The following GLYAT variants were observed in gnomAD, a reference collection of about 807,000 sequenced individuals.
The protein encoded by GLYAT is glycine-N-acyltransferase, also known as glycine N-acyltransferase.
Under a neutral mutation model 22.8 loss-of-function variants are expected in GLYAT, and 25 were observed. That is an observed-to-expected ratio of 1.09 (90% CI 0.80 to 1.53). The LOEUF is 1.53. Ranked by LOEUF, GLYAT falls within the 40% of genes most tolerant of loss-of-function variation. The pLI is 0.00. For synonymous variants in GLYAT, 140 were observed against 122.7 expected (o/e 1.14, Z -0.93); for missense variants, 411 against 353.9 (o/e 1.16, Z -1.29).
chr11:58,710,313 G>A, intron 5 of GLYAT, 145 bp from the exon 6 acceptor site: 3 of 1,332,642 alleles, frequency 2.3e-6, no homozygotes, highest in Non-Finnish European at 3.0e-6. Context: ...GATGAAAGAG[G>A]AACAGAGTGA....
At position 58,721,114 on chromosome 11, in the gene GLYAT, C is replaced by T. The variant is rs575476652; in HGVS notation, c.81+3302G>A. Among the ~76,000 whole-genome samples the T allele has an allele frequency of 3.7e-4, 56 of 151,786 alleles. 2 individuals are homozygous for T. The highest frequency in any genetic ancestry group is 2.3e-3 in the South Asian group (11 of 4,824). ...TATAAAGATGAATTAGGCATGCCAACGGAAGTACATTTTATAGATTTATAA... is the reference window on the plus strand; with the variant it reads ...TATAAAGATGAATTAGGCATGCCAATGGAAGTACATTTTATAGATTTATAA... On this transcript the variant is annotated intron_variant, in intron 2 of 5. Coordinates refer to ENST00000344743, the MANE Select transcript of GLYAT (RefSeq NM_201648.3).
At chr11:58,725,730 G>A (rs1028957707) in intron 1 of GLYAT, among the ~76,000 whole-genome samples, 2 of 152,152 alleles carry the variant, frequency 1.3e-5, no homozygotes, top group African/African-American at 4.8e-5. Flanking sequence ...GGCCAAGTGG[G>A]CGACCTGAGA....
rs938168463 is a variant in GLYAT, at chr11:58,708,774, T to A, written c.*992A>T. 6.6e-6 allele frequency: 1 copy of A among 152,210 alleles called. No individual in the cohort carries two copies. The highest frequency in any genetic ancestry group is 2.4e-5 in the African/African-American group (1 of 41,460). The allele number at this position is 152,210 out of a possible 1,614,324, so 9.4% of individuals were successfully genotyped here. ...TCCAGAACTGTGATAAATAAATTTT[T>A]AATTATTTTATTATTATTTTAAATA... On this transcript the variant is annotated 3_prime_UTR_variant, in exon 6 of 6. Transcript: ENST00000344743.
At chr11:58,716,513 A>G (rs946896633) in intron 2 of GLYAT, among the ~76,000 whole-genome samples, 3 of 152,118 alleles carry the variant, frequency 2.0e-5, no homozygotes, top group Non-Finnish European at 4.4e-5. Flanking sequence ...TAATATAGAA[A>G]TTTAGTACAG....
chr11:58,710,325 G>T, intron 5 of GLYAT, 157 bp from the exon 6 acceptor site: 1 of 1,258,572 alleles, frequency 7.9e-7, no homozygotes, highest in Non-Finnish European at 1.1e-6. Context: ...ACAGAGTGAA[G>T]GTCAGAGCTG....
chr11:58,730,546 A>G (rs1856861597), intron 1 of GLYAT, among the ~76,000 whole-genome samples: 3 of 152,182 alleles, frequency 2.0e-5, no homozygotes, highest in African/African-American at 7.2e-5. Flanking sequence ...TGCCTACATA[A>G]TCTGACCACA....
At chr11:58,728,888 AAGAAGGAAGGAAGGAAGGAAG>A (rs2134498918) in intron 1 of GLYAT, among the ~76,000 whole-genome samples, 1 of 112,196 alleles carries the variant, frequency 8.9e-6, no homozygotes, top group South Asian at 3.2e-4. Flanking sequence ...GAAAGAAAGA[AAGAAGGAAGGAAGGAAGGAAG>A]GAAGGAAGGA....
chr11:58,719,110 T>C (rs1856718764), intron 2 of GLYAT, among the ~76,000 whole-genome samples: 1 of 152,000 alleles, frequency 6.6e-6, no homozygotes, highest in East Asian at 1.9e-4. Flanking sequence ...AAAGACATAA[T>C]TTATAGTTCA....
chr11:58,710,318 G>A (rs906158005), intron 5 of GLYAT, 150 bp from the exon 6 acceptor site: 4 of 1,306,902 alleles, frequency 3.1e-6, no homozygotes, highest in African/African-American at 1.5e-5. Context: ...AAGAGGAACA[G>A]AGTGAAGGTC....
intron 2 of GLYAT, among the ~76,000 whole-genome samples, chr11:58,716,624 G>A (rs1023476478): frequency 2.0e-5 from 3 of 152,042 alleles, no homozygotes. Context: ...ATGAAAATAT[G>A]TGAAACTCTT....
intron 1 of GLYAT, among the ~76,000 whole-genome samples, chr11:58,728,436 G>A (rs1258636430): frequency 6.6e-6 from 1 of 151,980 alleles, no homozygotes; most frequent in Non-Finnish European, 1.5e-5. Flanking sequence ...CCCCTCAGTT[G>A]AATTCTTTCT....
At chr11:58,726,844 T>A (rs371443868) in intron 1 of GLYAT, among the ~76,000 whole-genome samples, 4 of 152,124 alleles carry the variant, frequency 2.6e-5, no homozygotes, top group Non-Finnish European at 5.9e-5. Context: ...AGCCTTCATA[T>A]GCTTACAAAA....
At chr11:58,729,282 T>C (rs1026917550) in intron 1 of GLYAT, among the ~76,000 whole-genome samples, 1 of 152,204 alleles carries the variant, frequency 6.6e-6, no homozygotes, top group Non-Finnish European at 1.5e-5. Flanking sequence ...TAGCCTGTTA[T>C]CCCTAGTGCT....
rs1013871608 is a variant in GLYAT at position 58,708,863 on chromosome 11, A to G, written c.*903T>C. 1 of 152,198 alleles carries G rather than the reference A, an allele frequency of 6.6e-6. No individual in the cohort carries two copies. The highest frequency in any genetic ancestry group is 1.5e-5 in the Non-Finnish European group (1 of 68,028). The allele number at this position is 152,198 out of a possible 1,614,324, so 9.4% of individuals were successfully genotyped here. A position where few individuals can be genotyped will look rare whatever the true frequency, so the allele number is the denominator to read the frequency against. On this transcript the variant is annotated 3_prime_UTR_variant, in exon 6 of 6. Coordinates refer to ENST00000344743, the MANE Select transcript of GLYAT (RefSeq NM_201648.3). ...TCTCAGGTATTTTGTTACAGCAGGA[A>G]CAAACTGAGATTAGTAATGTGCTGA...
intron 2 of GLYAT, among the ~76,000 whole-genome samples, chr11:58,721,483 CA>C (rs1283086788): frequency 1.3e-5 from 2 of 150,836 alleles, no homozygotes; most frequent in African/African-American, 4.9e-5. Context: ...CAAAACAAAA[CA>C]AAAAAACTTT....
At chr11:58,724,698 C>T (rs1480540444) in intron 1 of GLYAT, among the ~76,000 whole-genome samples, 187 bp from the exon 2 acceptor site, 1 of 151,880 alleles carries the variant, frequency 6.6e-6, no homozygotes, top group Non-Finnish European at 1.5e-5. Context: ...AGTTTTTTAG[C>T]TCTTTTTTCT....
chr11:58,725,541 T>C (rs184430319), intron 1 of GLYAT, among the ~76,000 whole-genome samples: 2 of 152,278 alleles, frequency 1.3e-5, no homozygotes, highest in East Asian at 3.9e-4. Context: ...GAAAAGCCTT[T>C]ACTGGTGGTG....
chr11:58,728,113 A>G (rs1475475292), intron 1 of GLYAT, among the ~76,000 whole-genome samples: 3 of 118,786 alleles, frequency 2.5e-5, no homozygotes, highest in Non-Finnish European at 4.7e-5. Context: ...CCCACACTGG[A>G]GTGCAGTGGT....
Position 58,719,767 on chromosome 11 carries a change from G to A in GLYAT, c.82-4344C>T, listed in dbSNP as rs998502023. 2.0e-5 allele frequency among the ~76,000 whole-genome samples: 3 copies of A among 151,954 alleles called. No homozygotes were observed. In the South Asian group the frequency reaches 6.2e-4, roughly 31 times the overall value. ...AAGCTCTGTGATTCAATGTTAGAAG[G>A]ACTTTAAAAGCATATACAGGAAGAT... On this transcript the variant is annotated intron_variant, in intron 2 of 5. Transcript: ENST00000344743.
Sources: allele counts gnomAD v4.1 joint callset (sites outside exome capture counted in the v4.1 genomes callset), GRCh38; gene constraint gnomAD v4.1.1; transcripts MANE v1.5; gene names NCBI Gene and HGNC (gene_info 2026-07-23, HGNC 2026-07-21).